MSI2: variants seen among roughly 807,000 people sequenced by gnomAD.
MSI2 encodes the protein musashi RNA binding protein 2.
Under a neutral mutation model 45.6 loss-of-function variants are expected in MSI2, and 17 were observed. The observed-to-expected ratio is 0.37, with a 90% confidence interval of 0.26 to 0.56. The LOEUF is 0.56. MSI2 is among the 20% of genes least tolerant of loss of function. The pLI, the probability that MSI2 is intolerant of heterozygous loss-of-function variation, is 0.77. For missense variants in MSI2, 293 were observed against 444.2 expected (o/e 0.66, Z 3.06); for synonymous variants, 156 against 158.2 (o/e 0.99, Z 0.11).
At chr17:57,520,293 G>A (rs7342817) in intron 6 of MSI2, among the ~76,000 whole-genome samples, 138,419 of 152,226 alleles carry the variant, frequency 0.91, 63,182 homozygotes, top group East Asian at 1. Context: ...AAATGTCTAC[G>A]TCTCCAGGAT....
chr17:57,294,339 T>A (rs1359571761), intron 5 of MSI2, among the ~76,000 whole-genome samples: 3 of 152,118 alleles, frequency 2.0e-5, no homozygotes, highest in African/African-American at 7.2e-5. Flanking sequence ...TGCCGGCAGG[T>A]GCAGGGGCAG....
Position 57,403,932 on chromosome 17 carries a change from T to TGC in MSI2, c.405+2462_405+2463dup, listed in dbSNP as rs1555598831. ...CTGGTTGAAGGAAACAGAATGAATGTGCACACACACACACACACACACACA... is the reference window on the plus strand; with the variant it reads ...CTGGTTGAAGGAAACAGAATGAATGTGCGCACACACACACACACACACACACA... On this transcript the variant is annotated intron_variant, in intron 6 of 13. Transcript: ENST00000284073. Among the ~76,000 whole-genome samples the TGC allele has an allele frequency of 2.4e-4, 29 of 121,814 alleles. No individual in the cohort carries two copies. In the South Asian group the frequency reaches 3.4e-3, roughly 14 times the overall value. The allele number at this position is 121,814 out of a possible 152,430, so 79.9% of individuals were successfully genotyped here.
chr17:57,416,769 G>A (rs1027561283), intron 6 of MSI2, among the ~76,000 whole-genome samples: 1 of 152,188 alleles, frequency 6.6e-6, no homozygotes, highest in Non-Finnish European at 1.5e-5. Context: ...GGGGCTGGAC[G>A]ACAGTACATT....
chr17:57,404,589 T>G (rs1056665716), intron 6 of MSI2, among the ~76,000 whole-genome samples: 10 of 152,120 alleles, frequency 6.6e-5, no homozygotes, highest in Non-Finnish European at 1.5e-5. Context: ...CTTTCACAGC[T>G]TCCATGCAAG....
At chr17:57,613,803 G>A (rs1169098030) in intron 8 of MSI2, among the ~76,000 whole-genome samples, 1 of 152,148 alleles carries the variant, frequency 6.6e-6, no homozygotes. Context: ...ATAGAACTCT[G>A]TATTAAGCAT....
At chr17:57,580,635 A>T (rs1358055270) in intron 7 of MSI2, among the ~76,000 whole-genome samples, 3 of 152,242 alleles carry the variant, frequency 2.0e-5, no homozygotes, top group Non-Finnish European at 4.4e-5. Context: ...GGAAAAGAGA[A>T]GACATTTAGT....
the MSI2 span, among the ~76,000 whole-genome samples, chr17:57,700,284 T>G: frequency 2.0e-5 from 3 of 152,112 alleles, no homozygotes; most frequent in Non-Finnish European, 4.4e-5. Context: ...AAAGTAGAAA[T>G]GTATTGTATT....
chr17:57,292,582 G>A (rs1247702192), intron 5 of MSI2, among the ~76,000 whole-genome samples: 2 of 152,100 alleles, frequency 1.3e-5, no homozygotes, highest in African/African-American at 2.4e-5. Context: ...GGTTGGTGGG[G>A]GGTCCCTCAC....
At chr17:57,272,152 C>T (rs959871948) in intron 5 of MSI2, among the ~76,000 whole-genome samples, 4 of 152,196 alleles carry the variant, frequency 2.6e-5, no homozygotes, top group Non-Finnish European at 4.4e-5. Context: ...TTTGTGCATG[C>T]ACACGTTGTG....
chr17:57,271,877 C>T (rs747539768), intron 5 of MSI2, among the ~76,000 whole-genome samples: 6 of 150,592 alleles, frequency 4.0e-5, no homozygotes, highest in East Asian at 2.0e-4. Context: ...AGGAGGGAGG[C>T]GCTATAAAAG....
chr17:57,690,902 A>G, the MSI2 span, among the ~76,000 whole-genome samples: 24 of 152,200 alleles, frequency 1.6e-4, no homozygotes, highest in Admixed American at 1.4e-3. Context: ...CACAAGTTTT[A>G]TAGTTTCGCA....
At chr17:57,599,561 C>T (rs1451275901) in intron 8 of MSI2, among the ~76,000 whole-genome samples, 12 of 152,174 alleles carry the variant, frequency 7.9e-5, no homozygotes, top group Non-Finnish European at 1.5e-4. Flanking sequence ...GTCAGGTGCA[C>T]GTAACCGGGT....
intron 6 of MSI2, among the ~76,000 whole-genome samples, chr17:57,439,134 C>G (rs972367934): frequency 6.6e-6 from 1 of 152,150 alleles, no homozygotes; most frequent in Non-Finnish European, 1.5e-5. Context: ...GTAGGGGACA[C>G]TTTCATTAGG....
chr17:57,563,643 C>T (rs2087643382), intron 7 of MSI2, among the ~76,000 whole-genome samples: 1 of 151,986 alleles, frequency 6.6e-6, no homozygotes, highest in African/African-American at 2.4e-5. Flanking sequence ...TCTCGCCTTC[C>T]AGCATTTAAC....
At chr17:57,517,007 A>T (rs1417189884) in intron 6 of MSI2, among the ~76,000 whole-genome samples, 1 of 152,258 alleles carries the variant, frequency 6.6e-6, no homozygotes, top group Non-Finnish European at 1.5e-5. Flanking sequence ...AACTTTGCCC[A>T]GTGACTGCAT....
intron 5 of MSI2, among the ~76,000 whole-genome samples, chr17:57,370,044 A>C (rs1391036319): frequency 6.6e-6 from 1 of 152,224 alleles, no homozygotes; most frequent in Non-Finnish European, 1.5e-5. Context: ...ACACCTTAAA[A>C]CACTGTCGCT....
intron 7 of MSI2, among the ~76,000 whole-genome samples, chr17:57,594,552 C>G (rs976660989): frequency 6.6e-6 from 1 of 152,094 alleles, no homozygotes; most frequent in East Asian, 1.9e-4. Flanking sequence ...GGGGAAGTGT[C>G]GGTGTGGCTC....
rs535579807 is a variant in MSI2 at position 57,563,490 on chromosome 17, C to A, written c.455-33378C>A. On this transcript the variant is annotated intron_variant, in intron 7 of 13. Coordinates refer to ENST00000284073, the MANE Select transcript of MSI2 (RefSeq NM_138962.4). ...GTAGGCCACTGCCCAAGATCCCAGGCAAGCTAGAACCAAGCTGGGAAGCGG... is the reference window on the plus strand; with the variant it reads ...GTAGGCCACTGCCCAAGATCCCAGGAAAGCTAGAACCAAGCTGGGAAGCGG... 1.6e-4 allele frequency among the ~76,000 whole-genome samples: 24 copies of A among 152,258 alleles called. No homozygotes were observed. In the South Asian group the frequency reaches 2.5e-3, roughly 16 times the overall value.
intron 5 of MSI2, among the ~76,000 whole-genome samples, chr17:57,379,156 A>T (rs1461037296): frequency 6.8e-6 from 1 of 147,748 alleles, no homozygotes; most frequent in East Asian, 2.0e-4. Flanking sequence ...ATCCTCCCTC[A>T]TGCATTTGTT....
Sources: allele counts gnomAD v4.1 joint callset (sites outside exome capture counted in the v4.1 genomes callset), GRCh38; gene constraint gnomAD v4.1.1; transcripts MANE v1.5; gene names NCBI Gene and HGNC (gene_info 2026-07-23, HGNC 2026-07-21).